The following CRHBP variants were observed in gnomAD, a reference collection of about 807,000 sequenced individuals.
CRHBP encodes the protein corticotropin releasing hormone binding protein, also known as corticotropin-releasing hormone-binding protein.
CRHBP carries 19 observed loss-of-function variants against 34.9 expected under a neutral mutation model. The observed-to-expected ratio is 0.55, with a 90% CI of 0.38 to 0.80. The LOEUF is 0.80. CRHBP is among the 30% of genes least tolerant of loss of function. The probability of loss-of-function intolerance (pLI) is 0.00; values close to 1 mark genes in which losing one functional copy is unlikely to be tolerated. For synonymous variants in CRHBP, 154 were observed against 153.4 expected, an observed-to-expected ratio of 1.00 and a Z score of -0.03; for missense variants, 328 against 409.2, an observed-to-expected ratio of 0.80 and a Z score of 1.71.
At chr5:76,975,374 T>C (rs188521294) in intron 2 of CRHBP, among the ~76,000 whole-genome samples, 1 of 152,310 alleles carries the variant, frequency 6.6e-6, no homozygotes, top group East Asian at 1.9e-4. Context: ...TCAAACCATA[T>C]AGTGGTAACT....
intron 4 of CRHBP, 130 bp from the exon 5 acceptor site, chr5:76,958,611 A>G: frequency 2.0e-6 from 2 of 1,001,976 alleles, no homozygotes; most frequent in Admixed American, 3.0e-5. Context: ...TTTGTGGTAT[A>G]TATGCTCTCT....
intron 6 of CRHBP, among the ~76,000 whole-genome samples, chr5:76,965,192 G>A (rs1309227154): frequency 6.6e-6 from 1 of 152,100 alleles, no homozygotes; most frequent in Non-Finnish European, 1.5e-5. Context: ...GAACATCTGT[G>A]GATTTTGGTA....
chr5:76,979,463 G>C (rs566244769), intron 3 of CRHBP, among the ~76,000 whole-genome samples: 15 of 152,276 alleles, frequency 9.9e-5, no homozygotes, highest in Non-Finnish European at 2.1e-4. Flanking sequence ...CAATTCTCCT[G>C]CCTCAGCCTC....
intron 4 of CRHBP, among the ~76,000 whole-genome samples, chr5:76,956,549 C>T (rs1045840271): frequency 2.6e-5 from 4 of 152,140 alleles, no homozygotes; most frequent in African/African-American, 9.7e-5. Flanking sequence ...TCCTGGCTAA[C>T]ACAGTGAAAC....
At chr5:76,980,504 G>A (rs1746103556) in intron 3 of CRHBP, among the ~76,000 whole-genome samples, 1 of 152,178 alleles carries the variant, frequency 6.6e-6, no homozygotes, top group Admixed American at 6.5e-5. Flanking sequence ...TGAAGATTTT[G>A]TAACAAATCA....
At chr5:76,955,581 C>G (rs1020304910) in intron 3 of CRHBP, 72 bp from the exon 4 acceptor site, 2 of 1,413,166 alleles carry the variant, frequency 1.4e-6, no homozygotes, top group African/African-American at 1.4e-5. Flanking sequence ...GACTTTCCCC[C>G]CCTTTTCAAC....
At chr5:76,953,446 G>C (rs1745604427) in intron 1 of CRHBP, 155 bp from the exon 2 acceptor site, 3 of 923,348 alleles carry the variant, frequency 3.2e-6, no homozygotes, top group Non-Finnish European at 5.2e-6. Context: ...TGATGGAGAG[G>C]GTCTAAGACC....
intron 6 of CRHBP, 81 bp downstream of exon 6, chr5:76,963,541 G>T: frequency 7.8e-7 from 1 of 1,283,256 alleles, no homozygotes. Flanking sequence ...TTTCTACATT[G>T]GAAGGTGAGT....
intron 6 of CRHBP, among the ~76,000 whole-genome samples, chr5:76,965,483 C>A (rs1160002171): frequency 4.6e-5 from 7 of 152,332 alleles, no homozygotes; most frequent in Non-Finnish European, 7.4e-5. Context: ...GTGCATGCGG[C>A]TTCTTTAGCC....
At chr5:76,960,162 T>C (rs1580093080) in intron 5 of CRHBP, among the ~76,000 whole-genome samples, 1 of 152,286 alleles carries the variant, frequency 6.6e-6, no homozygotes, top group East Asian at 1.9e-4. Context: ...TGGTAGACAG[T>C]GACTGGGAGC....
At chr5:76,972,112 C>T (rs1352936418), downstream of CRHBP, among the ~76,000 whole-genome samples, 2 of 151,998 alleles carry the variant, frequency 1.3e-5, no homozygotes, top group East Asian at 3.9e-4. Flanking sequence ...CAGCTAACTG[C>T]AGCCTCAACT....
chr5:76,954,537 G>A (rs1298806138), intron 3 of CRHBP, among the ~76,000 whole-genome samples: 1 of 152,152 alleles, frequency 6.6e-6, no homozygotes, highest in African/African-American at 2.4e-5. Flanking sequence ...GAGGAAAAAT[G>A]ATTAAAACCC....
chr5:76,955,894 C>G, intron 4 of CRHBP, 31 bp downstream of exon 4: 25 of 1,594,252 alleles, frequency 1.6e-5, no homozygotes, highest in Non-Finnish European at 2.1e-5. Flanking sequence ...GGCAGAACTT[C>G]GGATATAGAC....
chr5:76,966,128 C>T (rs2150708768), intron 6 of CRHBP, among the ~76,000 whole-genome samples: 1 of 152,298 alleles, frequency 6.6e-6, no homozygotes, highest in African/African-American at 2.4e-5. Flanking sequence ...AAGTGATTCT[C>T]CTGCCTCTGC....
chr5:76,958,917 T>C (rs1580092514), intron 5 of CRHBP, 28 bp downstream of exon 5: 1 of 1,610,448 alleles, frequency 6.2e-7, no homozygotes. Flanking sequence ...TTCCTAACCG[T>C]TTGATAAGGC....
chr5:76,977,983 A>G (rs1459687695), intron 3 of CRHBP, among the ~76,000 whole-genome samples: 1 of 152,226 alleles, frequency 6.6e-6, no homozygotes, highest in Non-Finnish European at 1.5e-5. Context: ...CTGGATACAT[A>G]AACAGCCACA....
At position 76,953,047 on chromosome 5, in the gene CRHBP, C is replaced by G; in HGVS notation, c.-88C>G. On this transcript the variant is annotated 5_prime_UTR_variant, in exon 1 of 7. Transcript: ENST00000274368. ...AGACCCAGCAAAGGGACCCTACCAG[C>G]TTCTAGCTCTCAGTCTGCGCGAGGG... 1.5e-6 allele frequency: 2 copies of G among 1,356,484 alleles called. No individual in the cohort carries two copies. Among genetic ancestry groups the G allele is most frequent in the South Asian group, 2.4e-5 (2 of 83,932 alleles). The allele number at this position is 1,356,484 out of a possible 1,614,324, so 84.0% of individuals were successfully genotyped here.
At chr5:76,978,963 A>C (rs1387945502) in intron 3 of CRHBP, among the ~76,000 whole-genome samples, 1 of 152,192 alleles carries the variant, frequency 6.6e-6, no homozygotes, top group Non-Finnish European at 1.5e-5. Context: ...AGAGTCAATT[A>C]ATGTGGCAAA....
chr5:76,964,721 T>G (rs537296182), intron 6 of CRHBP, among the ~76,000 whole-genome samples: 1 of 152,206 alleles, frequency 6.6e-6, no homozygotes, highest in East Asian at 1.9e-4. Flanking sequence ...CCAGGCATCG[T>G]GGTGCACACC....
Sources: gnomAD v4.1 joint callset for allele counts (sites outside exome capture counted in the v4.1 genomes callset) on GRCh38, gnomAD v4.1.1 for gene constraint, MANE v1.5 for transcripts, NCBI Gene and HGNC (gene_info 2026-07-23, HGNC 2026-07-21) for gene names.